The following N4BP1 variants were observed in gnomAD, a reference collection of about 807,000 sequenced individuals.
N4BP1 encodes NEDD4-binding protein 1.
A neutral mutation model predicts 70.9 loss-of-function variants in N4BP1; 21 were observed. The ratio of observed to expected loss-of-function variants is 0.30; its 90% CI spans 0.21 to 0.43. The LOEUF (loss-of-function observed/expected upper bound fraction) is 0.43. Among genes scored for constraint, N4BP1 ranks in the 20% least tolerant of loss-of-function variants. The pLI is 1.00. For synonymous variants in N4BP1, 387 were observed against 394.6 expected, an observed-to-expected ratio of 0.98 and a Z score of 0.23; for missense variants, 936 against 1,069.4, an observed-to-expected ratio of 0.88 and a Z score of 1.74.
At chr16:48,571,754 T>C (rs1164454846) in intron 1 of N4BP1, among the ~76,000 whole-genome samples, 1 of 152,066 alleles carries the variant, frequency 6.6e-6, no homozygotes, top group Non-Finnish European at 1.5e-5. Flanking sequence ...GGAAGAAACC[T>C]TTCTAAAAGT....
intron 2 of N4BP1, among the ~76,000 whole-genome samples, chr16:48,558,455 CA>C (rs1168439533): frequency 1.3e-5 from 2 of 152,084 alleles, no homozygotes; most frequent in Admixed American, 1.3e-4. Flanking sequence ...ATATTATAAG[CA>C]AAGTGGGAGG....
At chr16:48,591,778 T>G (rs1964342778) in intron 1 of N4BP1, among the ~76,000 whole-genome samples, 1 of 151,086 alleles carries the variant, frequency 6.6e-6, no homozygotes, top group Non-Finnish European at 1.5e-5. Flanking sequence ...AGCTTCCACT[T>G]TGGAAAAAAA....
intron 1 of N4BP1, among the ~76,000 whole-genome samples, chr16:48,581,908 T>A (rs533630480): frequency 2.0e-4 from 31 of 152,100 alleles, no homozygotes; most frequent in African/African-American, 5.3e-4. Context: ...ATGATTTTTT[T>A]AAAATACAAC....
At chr16:48,543,465 G>C (rs1963539876) in intron 6 of N4BP1, among the ~76,000 whole-genome samples, 2 of 152,156 alleles carry the variant, frequency 1.3e-5, no homozygotes, top group African/African-American at 4.8e-5. Flanking sequence ...ATCACCTCAA[G>C]GCGTGCCAGG....
At position 48,561,983 on chromosome 16, in the gene N4BP1, G is replaced by GGCA. The variant is rs770223513; in HGVS notation, c.657_659dup (p.Ala220dup). 6.2e-7 allele frequency: 1 copy of GGCA among 1,613,860 alleles called. No homozygotes were observed. The highest frequency in any genetic ancestry group is 8.5e-7 in the Non-Finnish European group (1 of 1,179,870). Reference sequence around the variant, plus strand: ...CATCTCTAGAAATATTCAGCCCTGTGGCAGCATTCTGTGTAAACTCTGTTT... The same window carrying GGCA: ...CATCTCTAGAAATATTCAGCCCTGTGGCAGCAGCATTCTGTGTAAACTCTGTTT... On this transcript the variant is annotated inframe_insertion, in exon 2 of 7. Coordinates refer to ENST00000262384, the MANE Select transcript of N4BP1 (RefSeq NM_153029.4).
At chr16:48,546,033 A>C (rs1963586903) in intron 6 of N4BP1, 114 bp downstream of exon 6, 1 of 655,886 alleles carries the variant, frequency 1.5e-6, no homozygotes, top group Non-Finnish European at 2.4e-6. Context: ...GTCTCAAAAA[A>C]AAAAAAAATA....
At chr16:48,598,397 G>GA (rs929338561) in intron 1 of N4BP1, among the ~76,000 whole-genome samples, 1 of 152,014 alleles carries the variant, frequency 6.6e-6, no homozygotes, top group African/African-American at 2.4e-5. Flanking sequence ...CTCCTTCCAG[G>GA]AAAATTTTTA....
At chr16:48,594,110 A>G (rs953065184) in intron 1 of N4BP1, among the ~76,000 whole-genome samples, 1 of 151,978 alleles carries the variant, frequency 6.6e-6, no homozygotes, top group Non-Finnish European at 1.5e-5. Flanking sequence ...TTTTCATGTA[A>G]TATTAAAAGA....
chr16:48,579,186 A>C lies in N4BP1; in HGVS notation c.199-16742T>G, dbSNP rs1347296482. Among the ~76,000 whole-genome samples the C allele has an allele frequency of 2.6e-5, 4 of 152,216 alleles. No individual in the cohort carries two copies. The South Asian group carries it at 8.3e-4, about 32-fold the overall frequency. ...ATGAGAAACCCTGAACTAATCAATA[A>C]ATGTCTAACAAGAACATGTCAGAAC... On this transcript the variant is annotated intron_variant, in intron 1 of 6. Coordinates refer to ENST00000262384, the MANE Select transcript of N4BP1 (RefSeq NM_153029.4).
At chr16:48,578,753 T>G (rs193186297) in intron 1 of N4BP1, among the ~76,000 whole-genome samples, 6 of 152,380 alleles carry the variant, frequency 3.9e-5, no homozygotes, top group Non-Finnish European at 1.5e-5. Flanking sequence ...GTCTAGACTT[T>G]AATGTGCTTA....
At chr16:48,602,796 A>T (rs1022312466) in intron 1 of N4BP1, among the ~76,000 whole-genome samples, 6 of 146,778 alleles carry the variant, frequency 4.1e-5, no homozygotes, top group Middle Eastern at 3.4e-3. Flanking sequence ...ATAAAAAATA[A>T]AAATAAATAA....
Position 48,562,579 on chromosome 16 carries a change from C to T in N4BP1, c.199-135G>A, listed in dbSNP as rs1597097098. On this transcript the variant is annotated intron_variant, in intron 1 of 6. Transcript: ENST00000262384. ...ATGTTTGTAATTTTGAACAAAATGT[C>T]ATGTTTTAAATAAAACATTGAAAAT... 3 of 757,162 alleles carry T rather than the reference C, an allele frequency of 4.0e-6. No homozygotes were observed. The East Asian group carries it at 8.4e-5, about 21-fold the overall frequency. 46.9% of individuals were successfully genotyped at this position (757,162 alleles called of 1,614,324 possible). A position where few individuals can be genotyped will look rare whatever the true frequency, so the allele number is the denominator to read the frequency against.
chr16:48,584,832 T>C (rs561912868), intron 1 of N4BP1, among the ~76,000 whole-genome samples: 9 of 152,196 alleles, frequency 5.9e-5, no homozygotes, highest in Non-Finnish European at 1.3e-4. Context: ...ATTTGTGTAA[T>C]CAAAATAATT....
intron 1 of N4BP1, chr16:48,577,659 G>A (rs1232796245): frequency 9.0e-6 from 2 of 222,634 alleles, no homozygotes; most frequent in Non-Finnish European, 1.9e-5. Flanking sequence ...GGGTCAGGCA[G>A]CTGTAGGTCT....
intron 1 of N4BP1, among the ~76,000 whole-genome samples, chr16:48,565,353 T>C (rs942549895): frequency 2.0e-5 from 3 of 152,206 alleles, no homozygotes; most frequent in African/African-American, 7.2e-5. Context: ...ATCATGAATA[T>C]GGATGGGTGT....
chr16:48,544,647 C>T (rs1474142151), intron 6 of N4BP1, among the ~76,000 whole-genome samples: 1 of 152,172 alleles, frequency 6.6e-6, no homozygotes, highest in African/African-American at 2.4e-5. Context: ...AAAAACAAAA[C>T]AAACCCCAAC....
chr16:48,575,002 A>G (rs1399111321), intron 1 of N4BP1, among the ~76,000 whole-genome samples: 1 of 152,230 alleles, frequency 6.6e-6, no homozygotes, highest in Non-Finnish European at 1.5e-5. Flanking sequence ...TGAACTGCAT[A>G]GTTTTGGGAA....
At chr16:48,572,433 G>C (rs913881766) in intron 1 of N4BP1, among the ~76,000 whole-genome samples, 6 of 152,024 alleles carry the variant, frequency 3.9e-5, no homozygotes, top group East Asian at 3.9e-4. Context: ...TGGGGGAGGG[G>C]GGACAGGCAG....
intron 1 of N4BP1, among the ~76,000 whole-genome samples, chr16:48,595,106 G>A (rs1045460836): frequency 5.9e-5 from 9 of 152,128 alleles, no homozygotes; most frequent in African/African-American, 1.7e-4. Context: ...TGAATGGACC[G>A]AACAGAAAAC....
Sources: allele counts gnomAD v4.1 joint callset (sites outside exome capture counted in the v4.1 genomes callset), GRCh38; gene constraint gnomAD v4.1.1; transcripts MANE v1.5; gene names NCBI Gene and HGNC (gene_info 2026-07-23, HGNC 2026-07-21).